Variants in FRMD4A observed in about 807,000 individuals in gnomAD.
FRMD4A encodes FERM domain containing 4A.
Under a neutral mutation model 129.1 loss-of-function variants are expected in FRMD4A, and 29 were observed. That is an observed-to-expected ratio of 0.22 (90% confidence interval 0.17 to 0.31). The LOEUF (loss-of-function observed/expected upper bound fraction) is 0.31. Among genes scored for constraint, FRMD4A ranks in the 10% least tolerant of loss-of-function variants. The probability of loss-of-function intolerance (pLI) is 1.00; values close to 1 mark genes in which losing one functional copy is unlikely to be tolerated. For synonymous variants in FRMD4A, 634 were observed against 571.6 expected (o/e 1.11, Z -1.56); for missense variants, 1,272 against 1,375.8 (o/e 0.92, Z 1.19).
intron 2 of FRMD4A, among the ~76,000 whole-genome samples, chr10:13,978,506 TG>T (rs1346262194): frequency 6.6e-6 from 1 of 151,726 alleles, no homozygotes; most frequent in Non-Finnish European, 1.5e-5. Context: ...TCCACTTCCT[TG>T]GAAAAAAAAA....
chr10:13,904,222 T>C (rs1408250225), intron 2 of FRMD4A, among the ~76,000 whole-genome samples: 1 of 136,398 alleles, frequency 7.3e-6, no homozygotes, highest in African/African-American at 2.8e-5. Context: ...AACCACTATT[T>C]CCTGCTGGCG....
At chr10:13,711,479 C>T (rs533894177) in intron 12 of FRMD4A, among the ~76,000 whole-genome samples, 1 of 152,338 alleles carries the variant, frequency 6.6e-6, no homozygotes, top group East Asian at 1.9e-4. Context: ...TAACCCACCA[C>T]CATGTAAAGC....
At chr10:13,905,896 G>A (rs185306437) in intron 2 of FRMD4A, among the ~76,000 whole-genome samples, 30 of 152,354 alleles carry the variant, frequency 2.0e-4, no homozygotes, top group African/African-American at 7.2e-4. Flanking sequence ...TGGAGGAGCG[G>A]AGGGGAACCT....
At chr10:14,010,723 T>C (rs1055150886) in intron 2 of FRMD4A, among the ~76,000 whole-genome samples, 3 of 134,844 alleles carry the variant, frequency 2.2e-5, no homozygotes, top group Non-Finnish European at 4.7e-5. Flanking sequence ...TTGCTCAGGG[T>C]GGTCTTGAAC....
chr10:14,185,670 G>A (rs1057169753), intron 2 of FRMD4A, among the ~76,000 whole-genome samples: 4 of 152,108 alleles, frequency 2.6e-5, no homozygotes, highest in Non-Finnish European at 5.9e-5. Flanking sequence ...CTGTGCAGAT[G>A]AGCAGAAGAG....
intron 2 of FRMD4A, among the ~76,000 whole-genome samples, chr10:14,104,673 C>T (rs1036207861): frequency 2.2e-4 from 33 of 152,208 alleles, no homozygotes; most frequent in African/African-American, 4.8e-4. Context: ...CTGGTCTCCA[C>T]GAGCCAGTCC....
chr10:13,800,193 C>G (rs1445624452), intron 4 of FRMD4A, among the ~76,000 whole-genome samples: 1 of 151,922 alleles, frequency 6.6e-6, no homozygotes, highest in Non-Finnish European at 1.5e-5. Flanking sequence ...AAAAACAAAA[C>G]AAACAAACAA....
chr10:14,296,559 A>C lies in FRMD4A; in HGVS notation c.45+33499T>G, dbSNP rs994092062. Among the ~76,000 whole-genome samples the C allele has an allele frequency of 3.9e-4, 59 of 152,364 alleles. 1 individual carries two copies. Among genetic ancestry groups the C allele is most frequent in the African/African-American group, 1.2e-3 (50 of 41,590 alleles). Reference sequence around the variant, plus strand: ...CTGCAACACTCAGATGATCCCACGCATACCAGTGAAATGGGTTAGTATCGC... The same window carrying C: ...CTGCAACACTCAGATGATCCCACGCCTACCAGTGAAATGGGTTAGTATCGC... On this transcript the variant is annotated intron_variant, in intron 2 of 24. Transcript: ENST00000357447.
chr10:14,273,379 C>T (rs547237966), intron 2 of FRMD4A, among the ~76,000 whole-genome samples: 42 of 152,242 alleles, frequency 2.8e-4, no homozygotes, highest in African/African-American at 9.4e-4. Flanking sequence ...CCCTTTATTC[C>T]GTTGATCTAT....
chr10:13,801,337 A>C (rs1245013875), intron 4 of FRMD4A, among the ~76,000 whole-genome samples: 1 of 152,172 alleles, frequency 6.6e-6, no homozygotes, highest in African/African-American at 2.4e-5. Flanking sequence ...ATGATCCTAC[A>C]TGGAATAGTT....
At chr10:13,839,033 G>A (rs555528305) in intron 3 of FRMD4A, among the ~76,000 whole-genome samples, 1 of 110,850 alleles carries the variant, frequency 9.0e-6, no homozygotes, top group African/African-American at 3.6e-5. Context: ...GTCTTGCTCT[G>A]TCACTCAGGC....
intron 15 of FRMD4A, among the ~76,000 whole-genome samples, chr10:13,679,474 T>TATATATATACACACACACACACAC (rs1308155926): frequency 2.2e-4 from 7 of 31,488 alleles, no homozygotes; most frequent in African/African-American, 2.7e-4. Flanking sequence ...TATATATATA[T>TATATATATACACACACACACACAC]ACACACACAC....
intron 2 of FRMD4A, among the ~76,000 whole-genome samples, chr10:13,969,261 G>A (rs917320487): frequency 1.3e-5 from 2 of 152,222 alleles, no homozygotes; most frequent in Non-Finnish European, 2.9e-5. Flanking sequence ...TTACCTCCCA[G>A]CTGCCTGGGT....
At chr10:13,998,392 G>T (rs1007295930) in intron 2 of FRMD4A, among the ~76,000 whole-genome samples, 5 of 152,154 alleles carry the variant, frequency 3.3e-5, no homozygotes, top group Non-Finnish European at 7.3e-5. Flanking sequence ...GCTCTGGAGA[G>T]CCTCTCAAGC....
chr10:13,666,426 GAC>G, intron 17 of FRMD4A, 101 bp from the exon 18 acceptor site: 1 of 778,268 alleles, frequency 1.3e-6, no homozygotes, highest in Non-Finnish European at 2.1e-6. Flanking sequence ...TTCCATGGGA[GAC>G]ACTCTTAAGA....
intron 2 of FRMD4A, among the ~76,000 whole-genome samples, chr10:14,156,806 G>A (rs1840624754): frequency 6.6e-6 from 1 of 152,188 alleles, no homozygotes; most frequent in African/African-American, 2.4e-5. Context: ...TTATAAACCT[G>A]AGCACACGTC....
chr10:13,700,865 TAAA>T (rs5783344), intron 14 of FRMD4A, among the ~76,000 whole-genome samples: 1 of 115,900 alleles, frequency 8.6e-6, no homozygotes, highest in Admixed American at 1.0e-4. Context: ...AGTTTTGCAT[TAAA>T]AAAAAAAAAA....
chr10:14,128,044 C>CCTT (rs1839004214), intron 2 of FRMD4A, among the ~76,000 whole-genome samples: 1 of 112,976 alleles, frequency 8.9e-6, no homozygotes, highest in African/African-American at 3.5e-5. Context: ...TCCTTTCTTT[C>CCTT]CCTCTTTCTT....
chr10:13,777,933 G>T, intron 6 of FRMD4A, among the ~76,000 whole-genome samples: 1 of 151,410 alleles, frequency 6.6e-6, no homozygotes, highest in East Asian at 1.9e-4. Context: ...CTCCCGAGTA[G>T]CTGGGATTAC....
Sources: gnomAD v4.1 joint callset for allele counts (sites outside exome capture counted in the v4.1 genomes callset) on GRCh38, gnomAD v4.1.1 for gene constraint, MANE v1.5 for transcripts, NCBI Gene and HGNC (gene_info 2026-07-23, HGNC 2026-07-21) for gene names.